The following CYB5R3 variants were observed in gnomAD, a reference collection of about 807,000 sequenced individuals.
CYB5R3 encodes cytochrome b5 reductase 3.
In CYB5R3, 28 loss-of-function variants were observed where a neutral mutation model predicts 36.5. That is an observed-to-expected ratio of 0.77 (90% CI 0.57 to 1.05). The LOEUF (loss-of-function observed/expected upper bound fraction) is 1.05. Ranked by LOEUF, CYB5R3 falls within the 50% of genes least tolerant of loss-of-function variation. The pLI, the probability that CYB5R3 is intolerant of heterozygous loss-of-function variation, is 0.00. For synonymous variants in CYB5R3, 181 were observed against 159.8 expected (o/e 1.13, Z -1.00); for missense variants, 474 against 408.9 (o/e 1.16, Z -1.37).
At chr22:42,637,485 G>C (rs1318491182) in intron 1 of CYB5R3, among the ~76,000 whole-genome samples, 1 of 152,142 alleles carries the variant, frequency 6.6e-6, no homozygotes, top group Non-Finnish European at 1.5e-5. Flanking sequence ...TGACATCCAT[G>C]AGTGTCCCTG....
intron 8 of CYB5R3, among the ~76,000 whole-genome samples, chr22:42,620,981 C>T (rs1251271396): frequency 6.6e-6 from 1 of 152,214 alleles, no homozygotes; most frequent in Non-Finnish European, 1.5e-5. Flanking sequence ...ATTTGTGCCA[C>T]TCTGACTCAC....
At chr22:42,625,769 C>A (rs934447222) in intron 7 of CYB5R3, among the ~76,000 whole-genome samples, 2 of 151,942 alleles carry the variant, frequency 1.3e-5, no homozygotes, top group Non-Finnish European at 2.9e-5. Flanking sequence ...GCATGGGGAC[C>A]CCTGGGGTTG....
At position 42,627,284 on chromosome 22, in the gene CYB5R3, T is replaced by C; in HGVS notation, c.633+20A>G. The C allele has an allele frequency of 6.2e-7, 1 of 1,610,886 alleles. No individual in the cohort carries two copies. The highest frequency in any genetic ancestry group is 2.2e-5 in the East Asian group (1 of 44,840). On this transcript the variant is annotated intron_variant, in intron 7 of 8. Coordinates refer to ENST00000352397, the MANE Select transcript of CYB5R3 (RefSeq NM_000398.7). ...TCTCAGGGTAAGCTGAGTTTCCCCATCATGGGGATGCCCACTGACCTGGTT... is the reference window on the plus strand; with the variant it reads ...TCTCAGGGTAAGCTGAGTTTCCCCACCATGGGGATGCCCACTGACCTGGTT...
intron 1 of CYB5R3, among the ~76,000 whole-genome samples, chr22:42,639,499 G>GCA (rs1929117078): frequency 6.6e-6 from 1 of 151,212 alleles, no homozygotes; most frequent in East Asian, 1.9e-4. Flanking sequence ...ATGGTAGCGG[G>GCA]CGTCTGCAAT....
At chr22:42,640,249 A>G in intron 1 of CYB5R3, 1 of 1,575,092 alleles carries the variant, frequency 6.3e-7, no homozygotes, top group Non-Finnish European at 8.6e-7. Context: ...GGTCTTCTCC[A>G]CAAGGTTACG....
intron 4 of CYB5R3, among the ~76,000 whole-genome samples, chr22:42,629,818 G>A (rs1340709137): frequency 1.3e-5 from 2 of 151,002 alleles, no homozygotes; most frequent in Non-Finnish European, 3.0e-5. Context: ...CTTTTTTTTT[G>A]ACTGGCTCTC....
At chr22:42,644,665 A>G in intron 1 of CYB5R3, 5 of 985,420 alleles carry the variant, frequency 5.1e-6, no homozygotes, top group Non-Finnish European at 6.0e-6. Context: ...CCTCTCCCTC[A>G]GTCACAGAAA....
intron 7 of CYB5R3, among the ~76,000 whole-genome samples, chr22:42,626,408 G>A (rs920877735): frequency 4.6e-5 from 7 of 152,126 alleles, no homozygotes; most frequent in Non-Finnish European, 7.3e-5. Flanking sequence ...TGTGTTCGGA[G>A]GTATGAGATG....
chr22:42,620,264 C>T (rs553445680), intron 8 of CYB5R3, among the ~76,000 whole-genome samples: 57 of 152,302 alleles, frequency 3.7e-4, no homozygotes, highest in African/African-American at 1.1e-3. Flanking sequence ...ATATGAATCC[C>T]ATTTTACAGA....
intron 8 of CYB5R3, among the ~76,000 whole-genome samples, chr22:42,621,183 A>AGTGTGTGTGTGTGTGTGT (rs61564405): frequency 6.1e-5 from 9 of 147,718 alleles, no homozygotes; most frequent in Non-Finnish European, 9.0e-5. Context: ...ATTTCTTTTT[A>AGTGTGTGTGTGTGTGTGT]GTGTGTGTGT....
intron 8 of CYB5R3, among the ~76,000 whole-genome samples, chr22:42,620,879 G>A (rs941982636): frequency 6.6e-6 from 1 of 152,170 alleles, no homozygotes; most frequent in African/African-American, 2.4e-5. Flanking sequence ...TTCACAGCAA[G>A]CGTACATTAT....
intron 2 of CYB5R3, among the ~76,000 whole-genome samples, chr22:42,634,527 A>G (rs1601940953): frequency 6.6e-6 from 1 of 150,402 alleles, no homozygotes; most frequent in East Asian, 2.0e-4. Flanking sequence ...GCTCACTGCA[A>G]CCTCTGCCTC....
In CYB5R3 at chr22:42,619,684, C is replaced by T. The variant is rs376265820; in HGVS notation, c.*89G>A. 112 of 1,379,236 alleles carry T rather than the reference C, an allele frequency of 8.1e-5. 1 individual carries two copies. Among genetic ancestry groups the T allele is most frequent in the East Asian group, 6.0e-4 (24 of 39,820 alleles). 85.4% of individuals were successfully genotyped at this position (1,379,236 alleles called of 1,614,324 possible). ...GGGCAGGCCAGGCTGAACCCGGGGC[C>T]CCAGTGTGCGATGTGGGGAGGTGAC... On this transcript the variant is annotated 3_prime_UTR_variant, in exon 9 of 9. Transcript: ENST00000352397.
At chr22:42,627,189 G>C (rs1601932994) in intron 7 of CYB5R3, 115 bp downstream of exon 7, 1 of 903,056 alleles carries the variant, frequency 1.1e-6, no homozygotes, top group South Asian at 1.4e-5. Context: ...CCCCCATCCC[G>C]GTCATCCCCA....
chr22:42,648,211 G>A (rs2146917327), intron 1 of CYB5R3, among the ~76,000 whole-genome samples: 1 of 116,130 alleles, frequency 8.6e-6, no homozygotes, highest in African/African-American at 3.0e-5. Flanking sequence ...GATCCCCAAG[G>A]AGGAGACTCC....
chr22:42,628,301 C>T lies in CYB5R3; in HGVS notation c.334-20G>A. ...GTAAACCTGCAAGACACCCCCGCAG[C>T]CCTCAGTCCCCAGCTCCAGGTCTCA... On this transcript the variant is annotated intron_variant, in intron 4 of 8. Coordinates refer to ENST00000352397, the MANE Select transcript of CYB5R3 (RefSeq NM_000398.7). The T allele has an allele frequency of 1.9e-6, 3 of 1,612,846 alleles. No individual in the cohort carries two copies. Among genetic ancestry groups the T allele is most frequent in the Admixed American group, 1.7e-5 (1 of 59,990 alleles).
chr22:42,627,542 C>A, intron 6 of CYB5R3, 63 bp downstream of exon 6: 1 of 1,538,352 alleles, frequency 6.5e-7, no homozygotes, highest in Non-Finnish European at 9.0e-7. Flanking sequence ...CTGCGCCTCA[C>A]CCACACCCCA....
intron 1 of CYB5R3, chr22:42,639,843 CTT>C (rs59947151): frequency 0.47 from 469,295 of 1,004,658 alleles, 60,799 homozygotes; most frequent in East Asian, 0.6. Flanking sequence ...GCTTGATTCA[CTT>C]TTTTTTTTTT....
intron 8 of CYB5R3, among the ~76,000 whole-genome samples, chr22:42,623,246 A>G (rs137126): frequency 0.39 from 59,792 of 152,124 alleles, 13,920 homozygotes; most frequent in East Asian, 0.72. Flanking sequence ...CAAGTGGTGG[A>G]GGTGGGGCGG....
Sources: allele counts gnomAD v4.1 joint callset (sites outside exome capture counted in the v4.1 genomes callset), GRCh38; gene constraint gnomAD v4.1.1; transcripts MANE v1.5; gene names NCBI Gene and HGNC (gene_info 2026-07-23, HGNC 2026-07-21).